CLIP4: variants seen among roughly 807,000 people sequenced by gnomAD.
CLIP4 encodes the protein CAP-Gly domain containing linker protein family member 4.
In CLIP4, 47 loss-of-function variants were observed where a neutral mutation model predicts 73.1. The observed-to-expected ratio is 0.64, with a 90% CI of 0.51 to 0.82. The LOEUF is 0.82. Ranked by LOEUF, CLIP4 falls within the 40% of genes least tolerant of loss-of-function variation. The pLI, the probability that CLIP4 is intolerant of heterozygous loss-of-function variation, is 0.00. For synonymous variants in CLIP4, 306 were observed against 295.4 expected, an observed-to-expected ratio of 1.04 and a Z score of -0.37; for missense variants, 874 against 852.9, an observed-to-expected ratio of 1.02 and a Z score of -0.31.
rs74498559 is a variant in CLIP4, at chr2:29,173,812, A to G, written c.1724-561A>G. Among the ~76,000 whole-genome samples the G allele has an allele frequency of 3.4e-3, 514 of 152,320 alleles. 2 individuals carry two copies. Among genetic ancestry groups the G allele is most frequent in the African/African-American group, 0.012 (498 of 41,582 alleles). On this transcript the variant is annotated intron_variant, in intron 14 of 15. Transcript: ENST00000320081. The stretch of plus-strand genomic sequence containing the variant: ...GTTGTATTATTTGGAGAGGCCAACA[A>G]TCAAAAGCTCTGAAGTTAATTGTTC...
chr2:29,156,419 C>A lies in CLIP4; in HGVS notation c.1231C>A (p.Leu411Ile). ...ACTTTCATTGCCTCCTGGTGAAGAA[C>A]TTAAAACTGTGACAGAGAAAGATGG... The part of the protein sequence containing the change: ...STLSLPPGEE[L>I]KTVTEKDVAL... The change falls in exon 10 of 16, where the codon CTT (leucine) becomes ATT (isoleucine). Residue 411 changes from leucine (L) to isoleucine (I), a missense_variant. Coordinates refer to ENST00000320081, the MANE Select transcript of CLIP4 (RefSeq NM_024692.6). 6.3e-7 allele frequency: 1 copy of A among 1,581,626 alleles called. No individual in the cohort carries two copies. The highest frequency in any genetic ancestry group is 1.2e-5 in the South Asian group (1 of 84,540).
chr2:29,147,761 T>C (rs1666269791), intron 8 of CLIP4, among the ~76,000 whole-genome samples: 1 of 152,204 alleles, frequency 6.6e-6, no homozygotes, highest in Non-Finnish European at 1.5e-5. Context: ...GTTAACCATC[T>C]TCACCTCACA....
At chr2:29,130,489 G>T in intron 2 of CLIP4, 1 of 296,792 alleles carries the variant, frequency 3.4e-6, no homozygotes, top group Non-Finnish European at 5.8e-6. Context: ...ACCAAGAAAT[G>T]AAGTTCAAGC....
chr2:29,158,662 A>T (rs1211032100), intron 11 of CLIP4, among the ~76,000 whole-genome samples: 1 of 152,252 alleles, frequency 6.6e-6, no homozygotes, highest in Admixed American at 6.5e-5. Flanking sequence ...CAGAGAACGA[A>T]CAATAATGGA....
intron 4 of CLIP4, chr2:29,132,600 A>T (rs1269519302): frequency 1.4e-5 from 3 of 212,366 alleles, no homozygotes; most frequent in Non-Finnish European, 2.8e-5. Context: ...CCCAGTCTTG[A>T]GACCTAAGGT....
intron 15 of CLIP4, 133 bp from the exon 16 acceptor site, chr2:29,181,439 T>C (rs577870521): frequency 4.1e-6 from 3 of 740,138 alleles, no homozygotes; most frequent in Non-Finnish European, 6.4e-6. Flanking sequence ...AAAAATCAAG[T>C]TGTGACCATA....
At position 29,133,785 on chromosome 2, in the gene CLIP4, A is replaced by G. The variant is rs1288480888; in HGVS notation, c.498A>G (p.Ile166Met). The G allele has an allele frequency of 6.2e-7, 1 of 1,608,422 alleles. No individual in the cohort carries two copies. Among genetic ancestry groups the G allele is most frequent in the Admixed American group, 1.7e-5 (1 of 58,354 alleles). ...CTTATTTTGATGTCCCTGAACTTAT[A>G]AGAGTGATTTTGAAAACATCGAAAC... is the stretch of plus-strand genomic sequence containing the variant. ...YAAYFDVPELIRVILKTSKPK... is the reference protein window; with the variant it reads ...YAAYFDVPELMRVILKTSKPK... Residue 166 changes from isoleucine to methionine, a missense_variant, in exon 5 of 16, where the codon ATA (isoleucine) becomes ATG (methionine). By Grantham distance (10) the Ile-to-Met change is conservative. Coordinates refer to ENST00000320081, the MANE Select transcript of CLIP4 (RefSeq NM_024692.6).
At chr2:29,133,120 G>A (rs780407668) in intron 4 of CLIP4, among the ~76,000 whole-genome samples, 1 of 152,194 alleles carries the variant, frequency 6.6e-6, no homozygotes, top group Non-Finnish European at 1.5e-5. Context: ...CCCAGTAGTT[G>A]AGGGTTGGCG....
At chr2:29,131,215 T>G in intron 2 of CLIP4, 43 bp from the exon 3 acceptor site, 1 of 1,442,984 alleles carries the variant, frequency 6.9e-7, no homozygotes, top group Non-Finnish European at 9.5e-7. Flanking sequence ...TATATTTATT[T>G]GAAACTTTTA....
chr2:29,140,763 A>C (rs1208936656), intron 6 of CLIP4, among the ~76,000 whole-genome samples: 1 of 152,162 alleles, frequency 6.6e-6, no homozygotes, highest in Non-Finnish European at 1.5e-5. Context: ...CATTTTAATG[A>C]TCGCCATTCT....
In CLIP4 at chr2:29,164,957, TATTG is replaced by T. The variant is rs747055346; in HGVS notation, c.1658+1006_1658+1009del. Reference sequence around the variant, plus strand: ...TAAGTGTTGTTTCATTTGATCCTAATATTGATCAGGTAAGCTGGAGAATAATAAC... The same window carrying T: ...TAAGTGTTGTTTCATTTGATCCTAATATCAGGTAAGCTGGAGAATAATAAC... On this transcript the variant is annotated intron_variant, in intron 13 of 15. Coordinates refer to ENST00000320081, the MANE Select transcript of CLIP4 (RefSeq NM_024692.6). Among the ~76,000 whole-genome samples the T allele has an allele frequency of 6.6e-5, 10 of 152,368 alleles. No individual in the cohort carries two copies. In the East Asian group the frequency reaches 1.9e-3, roughly 29 times the overall value.
At chr2:29,162,215 T>A (rs923560076) in intron 12 of CLIP4, among the ~76,000 whole-genome samples, 2 of 152,196 alleles carry the variant, frequency 1.3e-5, no homozygotes, top group African/African-American at 4.8e-5. Flanking sequence ...AAATTCCTAA[T>A]GTAAAGCATT....
chr2:29,136,255 A>C (rs1399566543), intron 6 of CLIP4, among the ~76,000 whole-genome samples: 1 of 151,338 alleles, frequency 6.6e-6, no homozygotes, highest in Non-Finnish European at 1.5e-5. Flanking sequence ...TCGCTCTGGC[A>C]GGTATTCTTA....
At chr2:29,149,540 T>G (rs1363820440) in intron 8 of CLIP4, among the ~76,000 whole-genome samples, 1 of 152,004 alleles carries the variant, frequency 6.6e-6, no homozygotes, top group Non-Finnish European at 1.5e-5. Context: ...TTTGTTATTT[T>G]TGTCTTTCCA....
upstream of CLIP4, chr2:29,113,884 C>T (rs2148445125): frequency 6.6e-6 from 1 of 152,304 alleles, no homozygotes; most frequent in Admixed American, 6.5e-5. The surrounding 1 kb of genome is among the most constrained non-coding windows in gnomAD (Gnocchi z 4.0). Flanking sequence ...GGGCAGATTG[C>T]CTTCCTTCTT....
chr2:29,133,901 C>G (rs898241744), intron 5 of CLIP4, 85 bp downstream of exon 5: 3 of 1,211,802 alleles, frequency 2.5e-6, no homozygotes, highest in Admixed American at 2.7e-5. Flanking sequence ...GATATTTTTT[C>G]CTTCTAATCC....
At chr2:29,139,473 T>C (rs1447596413) in intron 6 of CLIP4, among the ~76,000 whole-genome samples, 1 of 152,180 alleles carries the variant, frequency 6.6e-6, no homozygotes, top group African/African-American at 2.4e-5. Flanking sequence ...CAGATTTTGG[T>C]ATCAAGATGA....
intron 13 of CLIP4, 114 bp from the exon 14 acceptor site, chr2:29,167,362 C>A (rs1441730034): frequency 1.8e-6 from 1 of 569,292 alleles, no homozygotes; most frequent in Middle Eastern, 2.8e-4. Flanking sequence ...ATGGACCCTC[C>A]ATAAATATTT....
At chr2:29,140,599 A>C (rs961602271) in intron 6 of CLIP4, among the ~76,000 whole-genome samples, 4 of 152,190 alleles carry the variant, frequency 2.6e-5, no homozygotes, top group Admixed American at 1.3e-4. Flanking sequence ...ATACCCATTA[A>C]TGGGATGGCT....
Sources: allele counts gnomAD v4.1 joint callset (sites outside exome capture counted in the v4.1 genomes callset), GRCh38; gene constraint gnomAD v4.1.1; non-coding constraint Gnocchi (gnomAD v3.1); transcripts MANE v1.5; gene names NCBI Gene and HGNC (gene_info 2026-07-23, HGNC 2026-07-21).